Variants in TET3 observed in about 807,000 individuals in gnomAD.
TET3 encodes the protein tet methylcytosine dioxygenase 3, also known as methylcytosine dioxygenase TET3.
In TET3, 19 loss-of-function variants were observed where a neutral mutation model predicts 141.4. The ratio of observed to expected loss-of-function variants is 0.13; its 90% confidence interval spans 0.09 to 0.20. The LOEUF is 0.20. Among genes scored for constraint, TET3 ranks in the 10% least tolerant of loss-of-function variants. The pLI, the probability that TET3 is intolerant of heterozygous loss-of-function variation, is 1.00. For synonymous variants in TET3, 1,043 were observed against 980.9 expected (o/e 1.06, Z -1.18); for missense variants, 1,874 against 2,356.9 (o/e 0.80, Z 4.24).
rs149860085 is a variant in TET3, at chr2:74,080,428, T to C, written c.2586-70T>C. ...CTCAAACAAAAGCACACTGAGGCTG[T>C]CTTCTGACCAAAAGTTGTTCTCCTT... On this transcript the variant is annotated intron_variant, in intron 5 of 11. Transcript: ENST00000409262. The C allele has an allele frequency of 6.6e-3, 8,991 of 1,372,112 alleles. 98 individuals are homozygous for C. Among genetic ancestry groups the C allele is most frequent in the South Asian group, 0.037 (3,034 of 81,146 alleles). 85.0% of individuals were successfully genotyped at this position (1,372,112 alleles called of 1,614,324 possible). A position where few individuals can be genotyped will look rare whatever the true frequency, so the allele number is the denominator to read the frequency against.
chr2:74,053,919 T>C (rs1688079836), intron 4 of TET3, among the ~76,000 whole-genome samples: 1 of 152,094 alleles, frequency 6.6e-6, no homozygotes, highest in African/African-American at 2.4e-5. Flanking sequence ...TTGGACACCA[T>C]ATAAAGGATG....
intron 4 of TET3, among the ~76,000 whole-genome samples, chr2:74,068,059 A>C (rs1265042572): frequency 6.6e-6 from 1 of 152,190 alleles, no homozygotes; most frequent in African/African-American, 2.4e-5. Flanking sequence ...TTGAGGCAAG[A>C]GCCTGACCCA....
rs1247676162 is a variant in TET3 at position 74,046,127 on chromosome 2, G to A, written c.361-151G>A. Among the ~76,000 whole-genome samples the A allele has an allele frequency of 3.3e-5, 5 of 152,240 alleles. No individual in the cohort carries two copies. Among genetic ancestry groups the A allele is most frequent in the African/African-American group, 1.2e-4 (5 of 41,464 alleles). On this transcript the variant is annotated intron_variant, in intron 3 of 11. Transcript: ENST00000409262. This position sits in a 1 kb window ranked among gnomAD's most constrained non-coding sequence, Gnocchi z 4.3. Reference sequence around the variant, plus strand: ...GCTCCCTAGGGAACCAGAGACATGGGAAGATGAATTGGAGGCTCAAGAAGT... The same window carrying A: ...GCTCCCTAGGGAACCAGAGACATGGAAAGATGAATTGGAGGCTCAAGAAGT...
intron 3 of TET3, among the ~76,000 whole-genome samples, chr2:74,011,623 A>T (rs1008552872): frequency 6.6e-6 from 1 of 152,070 alleles, no homozygotes; most frequent in East Asian, 1.9e-4. Flanking sequence ...TTTCTTTTCT[A>T]CCTGGGCCTT....
At chr2:74,030,638 G>A (rs1686629851) in intron 3 of TET3, among the ~76,000 whole-genome samples, 1 of 152,134 alleles carries the variant, frequency 6.6e-6, no homozygotes, top group Non-Finnish European at 1.5e-5. Context: ...TTTGAACCAA[G>A]ACAGAAGTTG....
chr2:74,045,506 G>A (rs1044767098), intron 3 of TET3, among the ~76,000 whole-genome samples: 1 of 152,084 alleles, frequency 6.6e-6, no homozygotes, highest in African/African-American at 2.4e-5. Flanking sequence ...TTCCCCTTTG[G>A]TGTGCTTTTG....
At chr2:74,021,751 T>TC (rs1686057114) in intron 3 of TET3, among the ~76,000 whole-genome samples, 6 of 152,296 alleles carry the variant, frequency 3.9e-5, no homozygotes, top group Admixed American at 3.3e-4. Context: ...CCAATGGAGT[T>TC]TGAGAACTGC....
At chr2:73,986,744 C>G in intron 2 of TET3, 38 bp downstream of exon 2, 2 of 1,230,806 alleles carry the variant, frequency 1.6e-6, no homozygotes, top group Non-Finnish European at 2.0e-6. Flanking sequence ...GTTCCTTCCT[C>G]GAGGGCACGG....
At chr2:74,116,899 T>C in the TET3 span, among the ~76,000 whole-genome samples, 2 of 151,844 alleles carry the variant, frequency 1.3e-5, no homozygotes, top group Non-Finnish European at 2.9e-5. Flanking sequence ...CATGAGACAC[T>C]CCAGGGAGGG....
chr2:74,049,054 C>T (rs1396698163), intron 4 of TET3, among the ~76,000 whole-genome samples: 3 of 152,084 alleles, frequency 2.0e-5, no homozygotes, highest in East Asian at 3.9e-4. Flanking sequence ...ACTGAGGAGA[C>T]ATAGCTGTAA....
At chr2:74,026,485 C>T (rs983688888) in intron 3 of TET3, among the ~76,000 whole-genome samples, 1 of 152,110 alleles carries the variant, frequency 6.6e-6, no homozygotes, top group African/African-American at 2.4e-5. Context: ...TGCCTGTTCT[C>T]GGACCTAAGG....
At chr2:74,091,160 AT>A (rs1039690264) in intron 8 of TET3, among the ~76,000 whole-genome samples, 12 of 152,154 alleles carry the variant, frequency 7.9e-5, no homozygotes, top group African/African-American at 2.9e-4. Context: ...AAATAGTCTA[AT>A]TTGTTATTAG....
chr2:74,050,878 AC>A (rs1213288239), intron 4 of TET3, among the ~76,000 whole-genome samples: 1 of 139,294 alleles, frequency 7.2e-6, no homozygotes. Context: ...AAAAAAAAAA[AC>A]AACAATAAAA....
Position 74,047,872 on chromosome 2 carries a change from A to G in TET3, c.1955A>G (p.Gln652Arg), listed in dbSNP as rs1443699381. The G allele has an allele frequency of 2.5e-6, 4 of 1,612,798 alleles. No individual in the cohort carries two copies. The highest frequency in any genetic ancestry group is 2.2e-5 in the East Asian group (1 of 44,830). The change falls in exon 4 of 12, where the codon CAG becomes CGG. Residue 652 changes from glutamine to arginine, a missense_variant. This residue lies in a region of TET3 where 484 missense variants were observed against 462.2 expected (regional missense o/e 1.05). Coordinates refer to ENST00000409262, the MANE Select transcript of TET3 (RefSeq NM_001287491.2). ...CCACCGGCCCCTCTGCCTGCCTCAC[A>G]GGGCTCTGCTGTGCCCCTGCCCCCA... ...AHPPAPLPAS[Q>R]GSAVPLPPEP...
At chr2:74,021,728 GTGATTCCCACGCCCAATGGAGT>G (rs1686055779) in intron 3 of TET3, among the ~76,000 whole-genome samples, 1 of 152,228 alleles carries the variant, frequency 6.6e-6, no homozygotes, top group Non-Finnish European at 1.5e-5. Flanking sequence ...CTTCCTACAG[GTGATTCCCACGCCCAATGGAGT>G]TTGAGAACTG....
chr2:74,009,665 T>C (rs528137455), intron 3 of TET3, among the ~76,000 whole-genome samples: 3 of 152,326 alleles, frequency 2.0e-5, no homozygotes, highest in Non-Finnish European at 4.4e-5. Flanking sequence ...ATGGCTTCAG[T>C]CCATCCCTAG....
chr2:74,009,950 A>G (rs1261683984), intron 3 of TET3, among the ~76,000 whole-genome samples: 1 of 152,166 alleles, frequency 6.6e-6, no homozygotes, highest in African/African-American at 2.4e-5. Flanking sequence ...GCTGTGTGGC[A>G]TCTCCCTCTT....
chr2:74,034,565 G>A (rs1686923794), intron 3 of TET3, among the ~76,000 whole-genome samples: 3 of 139,980 alleles, frequency 2.1e-5, no homozygotes. Flanking sequence ...TGTAGTCCTC[G>A]AGCATTGATT....
At chr2:74,060,703 G>C (rs1206662277) in intron 4 of TET3, among the ~76,000 whole-genome samples, 2 of 152,032 alleles carry the variant, frequency 1.3e-5, no homozygotes, top group African/African-American at 4.8e-5. Context: ...CTGGGTACTT[G>C]AGATTAGGGA....
Sources: allele counts gnomAD v4.1 joint callset (sites outside exome capture counted in the v4.1 genomes callset), GRCh38; gene constraint gnomAD v4.1.1; regional missense constraint gnomAD v4.1.1; non-coding constraint Gnocchi (gnomAD v3.1); transcripts MANE v1.5; gene names NCBI Gene and HGNC (gene_info 2026-07-23, HGNC 2026-07-21).